TMEM230: variants seen among roughly 807,000 people sequenced by gnomAD.
The protein encoded by TMEM230 is UPF0414 transmembrane protein C20orf30.
TMEM230 carries 10 observed loss-of-function variants against 15.8 expected under a neutral mutation model. That is an observed-to-expected ratio of 0.63 (90% CI 0.39 to 1.07). TMEM230 has a LOEUF of 1.07. TMEM230 is among the 50% of genes least tolerant of loss of function. The probability of loss-of-function intolerance (pLI) is 0.01; values close to 1 mark genes in which losing one functional copy is unlikely to be tolerated. For missense variants in TMEM230, 165 were observed against 193.3 expected (o/e 0.85, Z 0.87); for synonymous variants, 67 against 76.9 (o/e 0.87, Z 0.68).
chr20:5,092,600 C>G (rs942819334), intron 3 of TMEM230, among the ~76,000 whole-genome samples: 2 of 151,680 alleles, frequency 1.3e-5, no homozygotes, highest in African/African-American at 4.8e-5. Flanking sequence ...CCTGTAATCC[C>G]AGCTACTTGG....
the TMEM230 span, among the ~76,000 whole-genome samples, chr20:5,063,171 GGATCTGAGTGC>G: frequency 1.3e-5 from 2 of 151,772 alleles, no homozygotes; most frequent in Non-Finnish European, 2.9e-5. Flanking sequence ...GGAGGCTGGT[GGATCTGAGTGC>G]TTAAGAAGGC....
chr20:5,101,061 C>A, intron 4 of TMEM230, 130 bp from the exon 4 acceptor site: 3 of 1,137,218 alleles, frequency 2.6e-6, no homozygotes, highest in Non-Finnish European at 3.5e-6. Context: ...TGTATACCAC[C>A]AAGGGAAAAG....
chr20:5,065,543 T>C (rs556895173), downstream of TMEM230, among the ~76,000 whole-genome samples: 1 of 152,304 alleles, frequency 6.6e-6, no homozygotes, highest in East Asian at 1.9e-4. Flanking sequence ...GAAGTGGCTG[T>C]GAGTGGGGCC....
chr20:5,075,883 C>T (rs1333143155), intron 3 of TMEM230, among the ~76,000 whole-genome samples: 1 of 152,008 alleles, frequency 6.6e-6, no homozygotes, highest in Non-Finnish European at 1.5e-5. Flanking sequence ...GCAGGCAGAT[C>T]ACTTGAGTCC....
intron 3 of TMEM230, among the ~76,000 whole-genome samples, chr20:5,084,226 ATTT>A (rs71332870): frequency 7.0e-6 from 1 of 142,420 alleles, no homozygotes; most frequent in Non-Finnish European, 1.5e-5. Context: ...TTCTATTTTA[ATTT>A]TTTTTTTTTT....
chr20:5,081,189 G>T lies in TMEM230; in HGVS notation c.223-11840C>A, dbSNP rs113054572. On this transcript the variant is annotated intron_variant, in intron 3 of 3. Transcript: ENST00000612323. ...AGAGAAAGAGGAGAATTAGAGAGAA[G>T]CATGTGGGTTTGAATCTGAGATGTG... 4.0e-3 allele frequency among the ~76,000 whole-genome samples: 605 copies of T among 152,312 alleles called. 6 individuals are homozygous for T. The highest frequency in any genetic ancestry group is 0.015 in the South Asian group (72 of 4,828).
intron 1 of TMEM230, 96 bp downstream of exon 1, chr20:5,112,865 G>C (rs995740710): frequency 1.3e-6 from 2 of 1,547,178 alleles, no homozygotes; most frequent in Non-Finnish European, 1.7e-6. Context: ...CCACACGGAT[G>C]ACTCGGAGCT....
downstream of TMEM230, among the ~76,000 whole-genome samples, chr20:5,095,964 G>C (rs941098185): frequency 6.6e-6 from 1 of 152,228 alleles, no homozygotes; most frequent in African/African-American, 2.4e-5. Context: ...CTTCCCTGCA[G>C]GGCCTTTCAC....
chr20:5,079,195 C>T (rs1233978463), intron 3 of TMEM230, among the ~76,000 whole-genome samples: 4 of 151,978 alleles, frequency 2.6e-5, no homozygotes, highest in Non-Finnish European at 5.9e-5. Context: ...TGCCATGTTG[C>T]CCAGGCTGGC....
At chr20:5,073,262 T>C (rs1374015172) in intron 3 of TMEM230, among the ~76,000 whole-genome samples, 1 of 152,330 alleles carries the variant, frequency 6.6e-6, no homozygotes, top group Middle Eastern at 3.4e-3. Flanking sequence ...AAGACTCTCC[T>C]GAACGTCACA....
chr20:5,090,730 T>C (rs1016308605), intron 3 of TMEM230, among the ~76,000 whole-genome samples: 2 of 113,300 alleles, frequency 1.8e-5, no homozygotes, highest in Non-Finnish European at 4.0e-5. Context: ...TTAATATTGA[T>C]CCAACCAAAA....
At chr20:5,062,875 T>A in the TMEM230 span, among the ~76,000 whole-genome samples, 1 of 152,158 alleles carries the variant, frequency 6.6e-6, no homozygotes, top group Non-Finnish European at 1.5e-5. Context: ...AACACTGGCT[T>A]GGGGCTTTGG....
At chr20:5,068,277 C>T (rs73072264), downstream of TMEM230, 10,737 of 152,232 alleles carry the variant, frequency 0.071, 483 homozygotes, top group Non-Finnish European at 0.1. Context: ...CATGACCATA[C>T]CTAGTTAGAA....
exon 4 of TMEM230, chr20:5,069,319 T>C: frequency 6.5e-7 from 1 of 1,535,826 alleles, no homozygotes; most frequent in South Asian, 1.2e-5. Context: ...TGGTCAGCTT[T>C]CTTTTGTTCC....
intron 3 of TMEM230, among the ~76,000 whole-genome samples, chr20:5,094,237 G>GT (rs1024802416): frequency 2.0e-5 from 3 of 151,206 alleles, no homozygotes; most frequent in African/African-American, 7.3e-5. Flanking sequence ...GATTACAGGC[G>GT]TGAGCCACCG....
the TMEM230 span, among the ~76,000 whole-genome samples, chr20:5,063,130 T>C: frequency 6.6e-6 from 1 of 151,934 alleles, no homozygotes; most frequent in Non-Finnish European, 1.5e-5. Flanking sequence ...TTTCCTATCC[T>C]GTCTCAACGC....
downstream of TMEM230, among the ~76,000 whole-genome samples, chr20:5,067,683 C>A (rs545258902): frequency 6.9e-4 from 104 of 150,760 alleles, no homozygotes; most frequent in African/African-American, 2.4e-3. Context: ...ACCTCATGAT[C>A]CACCTACCTC....
chr20:5,095,326 CT>C (rs1401700889), downstream of TMEM230, among the ~76,000 whole-genome samples: 1 of 152,158 alleles, frequency 6.6e-6, no homozygotes, highest in Non-Finnish European at 1.5e-5. Context: ...AAAACCTATC[CT>C]GCCTCTCACT....
downstream of TMEM230, chr20:5,099,759 T>C: frequency 1.3e-6 from 1 of 760,364 alleles, no homozygotes; most frequent in Non-Finnish European, 1.6e-6. Context: ...GAAAGTTGAG[T>C]GTGACCCACA....
Sources: allele counts gnomAD v4.1 joint callset (sites outside exome capture counted in the v4.1 genomes callset), GRCh38; gene constraint gnomAD v4.1.1; transcripts MANE v1.5; gene names NCBI Gene and HGNC (gene_info 2026-07-23, HGNC 2026-07-21).